The following UNC5C variants were observed in gnomAD, a reference collection of about 807,000 sequenced individuals.
UNC5C encodes netrin receptor UNC5C.
UNC5C carries 47 observed loss-of-function variants against 99.8 expected under a neutral mutation model. The ratio of observed to expected loss-of-function variants is 0.47; its 90% CI spans 0.37 to 0.60. The LOEUF is 0.60. UNC5C is among the 20% of genes least tolerant of loss of function. The pLI is 0.00. For synonymous variants in UNC5C, 487 were observed against 452.2 expected (o/e 1.08, Z -0.98); for missense variants, 1,062 against 1,165.9 (o/e 0.91, Z 1.30).
intron 2 of UNC5C, among the ~76,000 whole-genome samples, chr4:95,332,418 A>G (rs1280479379): frequency 3.4e-5 from 5 of 147,774 alleles, no homozygotes; most frequent in Non-Finnish European, 7.5e-5. Flanking sequence ...ATAATGCCAC[A>G]TATCTACAAC....
In UNC5C at chr4:95,424,815, A is replaced by G. The variant is rs150296311; in HGVS notation, c.125-89184T>C. Among the ~76,000 whole-genome samples, 57 of 151,546 alleles carry G rather than the reference A, an allele frequency of 3.8e-4. 1 individual carries two copies. The highest frequency in any genetic ancestry group is 3.4e-3 in the Middle Eastern group (1 of 290). ...TGGGATTACAGGAGTGAGCCACCGC[A>G]CCCGCCCCAGATTTTTTATAGATGA... On this transcript the variant is annotated intron_variant, in intron 1 of 15. Coordinates refer to ENST00000453304, the MANE Select transcript of UNC5C (RefSeq NM_003728.4).
At chr4:95,464,223 T>C (rs939217912) in intron 1 of UNC5C, among the ~76,000 whole-genome samples, 1 of 152,196 alleles carries the variant, frequency 6.6e-6, no homozygotes, top group Non-Finnish European at 1.5e-5. Context: ...AAGCTCTGTA[T>C]TGTTTTACTT....
At chr4:95,169,837 G>T (rs1027742963) in intron 15 of UNC5C, among the ~76,000 whole-genome samples, 15 of 152,136 alleles carry the variant, frequency 9.9e-5, no homozygotes, top group African/African-American at 3.6e-4. Context: ...ATTAGGTCCT[G>T]CTCAACTGCA....
chr4:95,482,201 C>G (rs1490860705), intron 1 of UNC5C, among the ~76,000 whole-genome samples: 2 of 151,490 alleles, frequency 1.3e-5, no homozygotes, highest in Non-Finnish European at 3.0e-5. Flanking sequence ...GGGCGAAGGA[C>G]ATGAACAGAC....
chr4:95,375,008 A>G (rs141894788), intron 1 of UNC5C, among the ~76,000 whole-genome samples: 331 of 152,318 alleles, frequency 2.2e-3, no homozygotes, highest in South Asian at 9.7e-3. Context: ...AGAAAAGAAT[A>G]TAGGTTAGAG....
intron 1 of UNC5C, among the ~76,000 whole-genome samples, chr4:95,345,016 T>C (rs1283094183): frequency 1.8e-5 from 2 of 111,680 alleles, no homozygotes; most frequent in African/African-American, 5.6e-5. Flanking sequence ...ATATTGACTA[T>C]GAATTGATTA....
At position 95,548,804 on chromosome 4, in the gene UNC5C, G is replaced by A. The variant is rs764556720; in HGVS notation, c.54C>T (p.Tyr18=). 8.1e-6 allele frequency: 13 copies of A among 1,613,432 alleles called. No individual in the cohort carries two copies. Among genetic ancestry groups the A allele is most frequent in the Middle Eastern group, 1.7e-4 (1 of 5,876 alleles). Residue 18 remains tyrosine (Y), a synonymous_variant, in exon 1 of 16, where the codon TAC becomes TAT. Coordinates refer to ENST00000453304, the MANE Select transcript of UNC5C (RefSeq NM_003728.4). ...TAARCGLGLG[Y]LLQMLVLPAL... is the part of the protein sequence containing the mutation. ...CAGGTAGCACGAGCATTTGCAGCAA[G>A]TATCCCAGTCCCAGTCCGCAGCGGG...
At chr4:95,270,948 T>G (rs549776069) in intron 4 of UNC5C, among the ~76,000 whole-genome samples, 7 of 152,334 alleles carry the variant, frequency 4.6e-5, no homozygotes, top group African/African-American at 1.7e-4. Context: ...TTCAGGTCTA[T>G]AGCTAAGTCT....
chr4:95,185,779 A>C (rs1357051550), intron 12 of UNC5C, among the ~76,000 whole-genome samples: 1 of 152,206 alleles, frequency 6.6e-6, no homozygotes, highest in Non-Finnish European at 1.5e-5. Context: ...CATAATTCCC[A>C]ATTATTAAAA....
intron 1 of UNC5C, among the ~76,000 whole-genome samples, chr4:95,385,088 T>C (rs1215683324): frequency 6.6e-6 from 1 of 152,098 alleles, no homozygotes; most frequent in South Asian, 2.1e-4. Flanking sequence ...TGAGGTGAAA[T>C]GTTCTCAACC....
At chr4:95,233,204 T>A (rs1738979242) in intron 7 of UNC5C, among the ~76,000 whole-genome samples, 2 of 152,316 alleles carry the variant, frequency 1.3e-5, no homozygotes, top group South Asian at 2.1e-4. Flanking sequence ...TGACGTGTAA[T>A]TTTTTTAATG....
At chr4:95,420,809 C>T (rs1054207019) in intron 1 of UNC5C, among the ~76,000 whole-genome samples, 1 of 152,152 alleles carries the variant, frequency 6.6e-6, no homozygotes, top group African/African-American at 2.4e-5. Flanking sequence ...ATCCAGGTTA[C>T]ATTTTAAAAG....
chr4:95,507,707 T>C (rs1190950484), intron 1 of UNC5C, among the ~76,000 whole-genome samples: 1 of 152,036 alleles, frequency 6.6e-6, no homozygotes, highest in African/African-American at 2.4e-5. Context: ...CCTCTCGATA[T>C]AGAGTCACAT....
intron 1 of UNC5C, among the ~76,000 whole-genome samples, chr4:95,502,593 T>A (rs955601154): frequency 6.6e-6 from 1 of 152,140 alleles, no homozygotes; most frequent in South Asian, 2.1e-4. Context: ...TGGACAAACA[T>A]TTTGTGCTAG....
intron 4 of UNC5C, among the ~76,000 whole-genome samples, chr4:95,265,114 A>G (rs567507266): frequency 3.5e-4 from 53 of 152,168 alleles, no homozygotes; most frequent in Non-Finnish European, 7.1e-4. Context: ...AAAACTCCTC[A>G]GGTGACCTCA....
intron 1 of UNC5C, among the ~76,000 whole-genome samples, chr4:95,439,366 T>C (rs1364538775): frequency 2.7e-5 from 4 of 149,826 alleles, no homozygotes; most frequent in African/African-American, 4.9e-5. Flanking sequence ...CAAAAAGAAG[T>C]GTTACATGAG....
chr4:95,170,001 T>C (rs1323452211), intron 15 of UNC5C, among the ~76,000 whole-genome samples, 153 bp downstream of exon 15: 1 of 152,066 alleles, frequency 6.6e-6, no homozygotes, highest in Non-Finnish European at 1.5e-5. Context: ...TAGTGCAAGG[T>C]ACAAGGACAG....
chr4:95,375,678 A>G (rs1054848354), intron 1 of UNC5C, among the ~76,000 whole-genome samples: 37 of 152,332 alleles, frequency 2.4e-4, no homozygotes, highest in African/African-American at 8.2e-4. Context: ...AATATTCTTT[A>G]TGGGAAAATT....
chr4:95,510,426 C>CT (rs202238467), intron 1 of UNC5C, among the ~76,000 whole-genome samples: 1 of 148,076 alleles, frequency 6.8e-6, no homozygotes, highest in African/African-American at 2.6e-5. Flanking sequence ...AATAATCATT[C>CT]TTTTTTTCCT....
Sources: gnomAD v4.1 joint callset for allele counts (sites outside exome capture counted in the v4.1 genomes callset) on GRCh38, gnomAD v4.1.1 for gene constraint, MANE v1.5 for transcripts, NCBI Gene and HGNC (gene_info 2026-07-23, HGNC 2026-07-21) for gene names.